Variants in ERCC6L2 observed in about 807,000 individuals in gnomAD.
The protein encoded by ERCC6L2 is DNA excision repair protein ERCC-6-like 2.
Under a neutral mutation model 132.0 loss-of-function variants are expected in ERCC6L2, and 77 were observed. The ratio of observed to expected loss-of-function variants is 0.58; its 90% confidence interval spans 0.49 to 0.71. The LOEUF (loss-of-function observed/expected upper bound fraction) is 0.71, where lower values mean the gene tolerates loss of function less well. ERCC6L2 is among the 30% of genes least tolerant of loss of function. The probability of loss-of-function intolerance (pLI) is 0.00; values close to 1 mark genes in which losing one functional copy is unlikely to be tolerated. For missense variants in ERCC6L2, 1,542 were observed against 1,837.6 expected, an observed-to-expected ratio of 0.84 and a Z score of 2.94; for synonymous variants, 583 against 632.4, an observed-to-expected ratio of 0.92 and a Z score of 1.17.
At chr9:96,010,771 A>G (rs533025288) in intron 18 of ERCC6L2, among the ~76,000 whole-genome samples, 1 of 152,200 alleles carries the variant, frequency 6.6e-6, no homozygotes, top group African/African-American at 2.4e-5. Context: ...TTCTACTTTG[A>G]TTTTCATGCA....
intron 2 of ERCC6L2, among the ~76,000 whole-genome samples, chr9:95,895,386 T>C (rs1828399251): frequency 6.6e-6 from 1 of 152,200 alleles, no homozygotes; most frequent in Non-Finnish European, 1.5e-5. Context: ...ATCTTTTGTT[T>C]AGACAGTTTA....
At chr9:95,979,009 A>G (rs1373988708) in intron 17 of ERCC6L2, among the ~76,000 whole-genome samples, 1 of 152,238 alleles carries the variant, frequency 6.6e-6, no homozygotes, top group African/African-American at 2.4e-5. Flanking sequence ...CCTTAACAAT[A>G]AAACCAGAGT....
intron 2 of ERCC6L2, among the ~76,000 whole-genome samples, chr9:95,891,153 C>T (rs946442751): frequency 2.0e-5 from 3 of 152,124 alleles, no homozygotes; most frequent in East Asian, 1.9e-4. Context: ...GCGGAGGTTG[C>T]GGTGAGTCAA....
intron 2 of ERCC6L2, among the ~76,000 whole-genome samples, chr9:95,885,679 A>G (rs749504501): frequency 2.0e-5 from 3 of 152,206 alleles, no homozygotes; most frequent in Non-Finnish European, 2.9e-5. Context: ...CAACTCAGTG[A>G]TAGGAAAAGA....
At chr9:95,940,659 A>G (rs568876760) in intron 11 of ERCC6L2, among the ~76,000 whole-genome samples, 1 of 151,720 alleles carries the variant, frequency 6.6e-6, no homozygotes, top group African/African-American at 2.4e-5. Flanking sequence ...AAATTTGTTG[A>G]GGTTTGTTTT....
intron 17 of ERCC6L2, among the ~76,000 whole-genome samples, chr9:95,989,531 G>A (rs1215792337): frequency 2.0e-5 from 3 of 152,160 alleles, no homozygotes; most frequent in Non-Finnish European, 2.9e-5. Context: ...AGAGCCTATC[G>A]GGCATGAGTC....
At chr9:95,886,377 G>A (rs1479830981) in intron 2 of ERCC6L2, among the ~76,000 whole-genome samples, 1 of 152,056 alleles carries the variant, frequency 6.6e-6, no homozygotes, top group Non-Finnish European at 1.5e-5. Context: ...AATACATTTA[G>A]AAATGGAAAT....
intron 16 of ERCC6L2, among the ~76,000 whole-genome samples, chr9:95,974,788 T>G (rs892083425): frequency 6.6e-6 from 1 of 152,050 alleles, no homozygotes; most frequent in African/African-American, 2.4e-5. Flanking sequence ...TATACGTATA[T>G]TTGTGATATA....
Position 95,875,869 on chromosome 9 carries a change from G to C in ERCC6L2, c.-170G>C, listed in dbSNP as rs1827222529. Reference sequence around the variant, plus strand: ...TTGGGTCCCCTTAGTCGCTACCTTTGCTGGGATCCCCCTCCTCCATCCTGT... The same window carrying C: ...TTGGGTCCCCTTAGTCGCTACCTTTCCTGGGATCCCCCTCCTCCATCCTGT... On this transcript the variant is annotated 5_prime_UTR_variant, in exon 1 of 19. Coordinates refer to ENST00000653738, the MANE Select transcript of ERCC6L2 (RefSeq NM_020207.7). 1 of 661,754 alleles carries C rather than the reference G, an allele frequency of 1.5e-6. No individual in the cohort carries two copies. The highest frequency in any genetic ancestry group is 2.8e-5 in the East Asian group (1 of 36,110). 41.0% of individuals were successfully genotyped at this position (661,754 alleles called of 1,614,324 possible).
intron 7 of ERCC6L2, 40 bp from the exon 8 acceptor site, chr9:95,922,265 A>G (rs1210975608): frequency 2.9e-6 from 3 of 1,049,950 alleles, no homozygotes; most frequent in South Asian, 1.3e-5. Context: ...GTGCATAGCT[A>G]TGCTGGTCCT....
intron 12 of ERCC6L2, among the ~76,000 whole-genome samples, chr9:95,949,948 A>G (rs1335513983): frequency 6.6e-6 from 1 of 151,688 alleles, no homozygotes; most frequent in Non-Finnish European, 1.5e-5. Context: ...CGGAGCTTGC[A>G]GTGAGCCGAG....
chr9:95,970,782 AGTCAGAGG>A, intron 15 of ERCC6L2, 126 bp downstream of exon 15: 1 of 504,030 alleles, frequency 2.0e-6, no homozygotes, highest in Non-Finnish European at 3.1e-6. Flanking sequence ...AAGGACACAA[AGTCAGAGG>A]ACTATGGATA....
intron 2 of ERCC6L2, among the ~76,000 whole-genome samples, chr9:95,895,463 T>A (rs1446277273): frequency 6.6e-6 from 1 of 152,184 alleles, no homozygotes; most frequent in East Asian, 1.9e-4. Flanking sequence ...CTGTTTGATT[T>A]TTATTTATTC....
intron 18 of ERCC6L2, among the ~76,000 whole-genome samples, chr9:96,005,454 G>A (rs1358611268): frequency 1.3e-5 from 2 of 152,034 alleles, no homozygotes; most frequent in African/African-American, 4.8e-5. Context: ...ATAGGATGGG[G>A]AGGGGACATG....
intron 17 of ERCC6L2, among the ~76,000 whole-genome samples, chr9:95,984,339 AATAC>A (rs1420742970): frequency 5.3e-5 from 8 of 150,576 alleles, no homozygotes; most frequent in South Asian, 2.1e-4. Flanking sequence ...ATATATATGT[AATAC>A]ATACATGTGT....
At chr9:95,889,424 A>G (rs1027050474) in intron 2 of ERCC6L2, among the ~76,000 whole-genome samples, 1 of 152,060 alleles carries the variant, frequency 6.6e-6, no homozygotes, top group Non-Finnish European at 1.5e-5. Context: ...GTAGCCTTTG[A>G]GGACCAGTTG....
chr9:95,898,498 T>C (rs1168565716), intron 3 of ERCC6L2, among the ~76,000 whole-genome samples: 1 of 152,174 alleles, frequency 6.6e-6, no homozygotes, highest in African/African-American at 2.4e-5. Context: ...TTTCTGCCCA[T>C]ATGACTGAAT....
intron 18 of ERCC6L2, among the ~76,000 whole-genome samples, chr9:96,008,984 T>C (rs1833945317): frequency 1.3e-5 from 2 of 152,230 alleles, no homozygotes; most frequent in South Asian, 4.1e-4. Context: ...TTACCCATTT[T>C]TCCAGTCAGG....
At chr9:95,949,368 A>G (rs1178587419) in intron 12 of ERCC6L2, among the ~76,000 whole-genome samples, 1 of 146,558 alleles carries the variant, frequency 6.8e-6, no homozygotes, top group Non-Finnish European at 1.5e-5. Context: ...CCAAGTCCAG[A>G]TAGTATAAAC....
Sources: gnomAD v4.1 joint callset for allele counts (sites outside exome capture counted in the v4.1 genomes callset) on GRCh38, gnomAD v4.1.1 for gene constraint, MANE v1.5 for transcripts, NCBI Gene and HGNC (gene_info 2026-07-23, HGNC 2026-07-21) for gene names.